The following HSD17B3 variants were observed in gnomAD, a reference collection of about 807,000 sequenced individuals.
HSD17B3 encodes hydroxysteroid 17-beta dehydrogenase 3, also known as 17-beta-hydroxysteroid dehydrogenase type 3.
In HSD17B3, 29 loss-of-function variants were observed where a neutral mutation model predicts 41.1. The observed-to-expected ratio is 0.71, with a 90% CI of 0.53 to 0.96. The LOEUF (loss-of-function observed/expected upper bound fraction) is 0.96. Among genes scored for constraint, HSD17B3 ranks in the 40% least tolerant of loss-of-function variants. The probability of loss-of-function intolerance (pLI) is 0.00; values close to 1 mark genes in which losing one functional copy is unlikely to be tolerated. For missense variants in HSD17B3, 323 were observed against 374.6 expected (o/e 0.86, Z 1.14); for synonymous variants, 126 against 145.6 (o/e 0.87, Z 0.97).
chr9:96,272,001 T>C (rs1271142690), intron 2 of HSD17B3, among the ~76,000 whole-genome samples: 2 of 152,070 alleles, frequency 1.3e-5, no homozygotes, highest in Non-Finnish European at 2.9e-5. Context: ...ATTACTTTTA[T>C]TTTTAACAGG....
chr9:96,283,432 G>C (rs1408449250), intron 2 of HSD17B3, among the ~76,000 whole-genome samples: 1 of 152,094 alleles, frequency 6.6e-6, no homozygotes, highest in Non-Finnish European at 1.5e-5. Context: ...TGTCTATAAG[G>C]TTTTATTAAG....
At chr9:96,248,493 C>A (rs1231613102) in intron 6 of HSD17B3, among the ~76,000 whole-genome samples, 1 of 152,222 alleles carries the variant, frequency 6.6e-6, no homozygotes, top group Non-Finnish European at 1.5e-5. Flanking sequence ...TAGTCTCCAA[C>A]CAGGGTCCCA....
At chr9:96,276,050 G>C (rs1206242139) in intron 2 of HSD17B3, among the ~76,000 whole-genome samples, 1 of 137,632 alleles carries the variant, frequency 7.3e-6, no homozygotes, top group Non-Finnish European at 1.5e-5. Context: ...AGGCTGCAGT[G>C]AGTCATGATC....
At chr9:96,270,235 C>T (rs1365986610) in intron 2 of HSD17B3, among the ~76,000 whole-genome samples, 1 of 146,320 alleles carries the variant, frequency 6.8e-6, no homozygotes, top group Non-Finnish European at 1.5e-5. Flanking sequence ...TGATCTATCC[C>T]CCCCAAACAC....
At chr9:96,289,989 C>CA (rs1827085509) in intron 2 of HSD17B3, among the ~76,000 whole-genome samples, 1 of 152,104 alleles carries the variant, frequency 6.6e-6, no homozygotes, top group African/African-American at 2.4e-5. Flanking sequence ...TGCTAATCTA[C>CA]AGCGGGTAGT....
intron 2 of HSD17B3, among the ~76,000 whole-genome samples, chr9:96,293,196 C>A (rs998708352): frequency 6.6e-6 from 1 of 152,190 alleles, no homozygotes; most frequent in Non-Finnish European, 1.5e-5. Flanking sequence ...GGTCATGATA[C>A]CCAGCTACTC....
At chr9:96,279,994 C>T (rs1284948232) in intron 2 of HSD17B3, among the ~76,000 whole-genome samples, 1 of 152,132 alleles carries the variant, frequency 6.6e-6, no homozygotes, top group African/African-American at 2.4e-5. Flanking sequence ...TGGTCTCGAT[C>T]TCCTAACCTG....
chr9:96,247,714 C>G (rs542299861), intron 6 of HSD17B3, among the ~76,000 whole-genome samples: 1 of 152,162 alleles, frequency 6.6e-6, no homozygotes, highest in African/African-American at 2.4e-5. Context: ...CGAAGCCTCC[C>G]GAATGAACTC....
chr9:96,265,121 G>A (rs1564041462), intron 2 of HSD17B3, among the ~76,000 whole-genome samples: 1 of 152,316 alleles, frequency 6.6e-6, no homozygotes, highest in East Asian at 1.9e-4. Flanking sequence ...TTCTCAGCCA[G>A]TGAAGGTGCA....
At chr9:96,235,631 TTTGTGGTC>T in intron 10 of HSD17B3, 61 bp from the exon 11 acceptor site, 1 of 373,064 alleles carries the variant, frequency 2.7e-6, no homozygotes, top group Non-Finnish European at 4.1e-6. Context: ...TCAGTTCATC[TTTGTGGTC>T]TTTAAAAATA....
intron 2 of HSD17B3, among the ~76,000 whole-genome samples, chr9:96,286,820 T>G (rs553597378): frequency 6.6e-6 from 1 of 152,276 alleles, no homozygotes; most frequent in South Asian, 2.1e-4. Context: ...TTACCTTATA[T>G]GGTCTAAAAA....
intron 2 of HSD17B3, among the ~76,000 whole-genome samples, chr9:96,295,531 C>T (rs1827327241): frequency 6.6e-6 from 1 of 151,900 alleles, no homozygotes; most frequent in Non-Finnish European, 1.5e-5. Context: ...GACGGAGTTT[C>T]ACCATGTTGG....
At chr9:96,294,127 T>C (rs1339669789) in intron 2 of HSD17B3, among the ~76,000 whole-genome samples, 1 of 151,782 alleles carries the variant, frequency 6.6e-6, no homozygotes, top group Non-Finnish European at 1.5e-5. Context: ...GTAAAGAACA[T>C]AAAGAGGCTG....
intron 8 of HSD17B3, 86 bp from the exon 9 acceptor site, chr9:96,244,480 G>T: frequency 8.2e-7 from 1 of 1,214,404 alleles, no homozygotes; most frequent in South Asian, 1.2e-5. Flanking sequence ...GGGCACTGCA[G>T]ACACACTACC....
intron 9 of HSD17B3, among the ~76,000 whole-genome samples, chr9:96,243,792 G>C (rs1441148338): frequency 1.3e-5 from 2 of 152,192 alleles, no homozygotes; most frequent in Non-Finnish European, 2.9e-5. Flanking sequence ...ACCTGTGGAA[G>C]GGAAGCAGAG....
chr9:96,267,362 TGGCCAGGCTG>T (rs1004999727), intron 2 of HSD17B3, among the ~76,000 whole-genome samples: 11 of 152,076 alleles, frequency 7.2e-5, no homozygotes, highest in Admixed American at 2.0e-4. Context: ...TTCACCATGT[TGGCCAGGCTG>T]GTCTCGAACT....
chr9:96,245,903 T>C (rs1020146169), intron 7 of HSD17B3, among the ~76,000 whole-genome samples: 5 of 152,202 alleles, frequency 3.3e-5, no homozygotes, highest in Non-Finnish European at 7.3e-5. Flanking sequence ...CTCACACAGA[T>C]ACCCTATGCA....
chr9:96,262,887 A>C (rs1825914129), intron 2 of HSD17B3, among the ~76,000 whole-genome samples: 1 of 152,062 alleles, frequency 6.6e-6, no homozygotes. Context: ...GCCCCATCTG[A>C]GTATTTGCCA....
intron 4 of HSD17B3, 34 bp downstream of exon 4, chr9:96,252,769 T>G (rs750686838): frequency 9.1e-7 from 1 of 1,099,450 alleles, no homozygotes; most frequent in South Asian, 1.2e-5. Context: ...CACTGATGTA[T>G]GACAACAAGC....
Sources: allele counts gnomAD v4.1 joint callset (sites outside exome capture counted in the v4.1 genomes callset), GRCh38; gene constraint gnomAD v4.1.1; transcripts MANE v1.5; gene names NCBI Gene and HGNC (gene_info 2026-07-23, HGNC 2026-07-21).